Variants in PHACTR1 observed in about 807,000 individuals in gnomAD.
PHACTR1 encodes the protein phosphatase and actin regulator 1.
In PHACTR1, 16 loss-of-function variants were observed where a neutral mutation model predicts 69.2. That is an observed-to-expected ratio of 0.23 (90% confidence interval 0.16 to 0.35). The LOEUF is 0.35. Ranked by LOEUF, PHACTR1 falls within the 10% of genes least tolerant of loss-of-function variation. The pLI, the probability that PHACTR1 is intolerant of heterozygous loss-of-function variation, is 1.00. For synonymous variants in PHACTR1, 312 were observed against 284.5 expected (o/e 1.10, Z -0.97); for missense variants, 510 against 734.7 (o/e 0.69, Z 3.54).
At chr6:13,156,074 A>C (rs1054494731) in intron 5 of PHACTR1, among the ~76,000 whole-genome samples, 1 of 152,204 alleles carries the variant, frequency 6.6e-6, no homozygotes, top group Non-Finnish European at 1.5e-5. Context: ...GTCATGGAGA[A>C]AAAGGGAAGA....
intron 10 of PHACTR1, among the ~76,000 whole-genome samples, chr6:13,255,389 A>G (rs1269858040): frequency 6.6e-6 from 1 of 152,150 alleles, no homozygotes; most frequent in Non-Finnish European, 1.5e-5. Flanking sequence ...GATCCAAACC[A>G]TATCATTCTG....
chr6:12,753,839 C>G (rs1275748849), intron 4 of PHACTR1, among the ~76,000 whole-genome samples: 2 of 151,766 alleles, frequency 1.3e-5, no homozygotes, highest in Non-Finnish European at 2.9e-5. Context: ...TCTCTTCCAC[C>G]CTTATCGCTT....
chr6:12,933,917 A>G (rs1416115749), intron 4 of PHACTR1: 4 of 1,609,746 alleles, frequency 2.5e-6, no homozygotes, highest in Non-Finnish European at 2.5e-6. Context: ...TTTGGTCCAT[A>G]TGGGAAGGGA....
chr6:13,042,888 A>C (rs1233821980), intron 4 of PHACTR1, among the ~76,000 whole-genome samples: 2 of 152,200 alleles, frequency 1.3e-5, no homozygotes, highest in Non-Finnish European at 2.9e-5. Flanking sequence ...GGACTTTCCT[A>C]AGGTCACACA....
intron 11 of PHACTR1, among the ~76,000 whole-genome samples, chr6:13,276,899 T>TAATTC (rs1290887677): frequency 6.6e-6 from 1 of 152,208 alleles, no homozygotes; most frequent in African/African-American, 2.4e-5. Context: ...TACCAAAATA[T>TAATTC]AATTCAACAA....
At chr6:12,742,266 T>C (rs1765150857) in intron 3 of PHACTR1, among the ~76,000 whole-genome samples, 1 of 152,092 alleles carries the variant, frequency 6.6e-6, no homozygotes, top group Non-Finnish European at 1.5e-5. Flanking sequence ...AAGGGGTGGG[T>C]GGTTCCCAGA....
At chr6:12,723,049 G>A (rs913938294) in intron 3 of PHACTR1, among the ~76,000 whole-genome samples, 1 of 152,174 alleles carries the variant, frequency 6.6e-6, no homozygotes, top group African/African-American at 2.4e-5. Flanking sequence ...AATTGAACTT[G>A]AAGAGAAGAC....
At chr6:12,951,567 C>A (rs1043742921) in intron 4 of PHACTR1, among the ~76,000 whole-genome samples, 6 of 152,222 alleles carry the variant, frequency 3.9e-5, no homozygotes, top group African/African-American at 1.4e-4. Context: ...CTGCCCTGTG[C>A]AATGTGTTGT....
At chr6:12,912,629 T>A (rs1333958517) in intron 4 of PHACTR1, among the ~76,000 whole-genome samples, 2 of 152,218 alleles carry the variant, frequency 1.3e-5, no homozygotes, top group African/African-American at 4.8e-5. Flanking sequence ...TGTTTCATCC[T>A]CATTTATCTA....
intron 5 of PHACTR1, among the ~76,000 whole-genome samples, chr6:13,084,634 A>G (rs561041772): frequency 6.6e-6 from 1 of 152,112 alleles, no homozygotes; most frequent in Non-Finnish European, 1.5e-5. Flanking sequence ...TCTTTTATCA[A>G]TGTAAATAAG....
chr6:13,037,145 C>T (rs539646621), intron 4 of PHACTR1, among the ~76,000 whole-genome samples: 4 of 152,304 alleles, frequency 2.6e-5, no homozygotes, highest in African/African-American at 9.6e-5. Flanking sequence ...ACCTTTGCTT[C>T]AGGACTCTAT....
intron 4 of PHACTR1, among the ~76,000 whole-genome samples, chr6:12,929,230 G>A (rs937768735): frequency 6.6e-6 from 1 of 152,146 alleles, no homozygotes; most frequent in Non-Finnish European, 1.5e-5. Context: ...TCCCCACGTG[G>A]TTAGGCTGCA....
chr6:12,832,543 A>C (rs1777697001), intron 4 of PHACTR1, among the ~76,000 whole-genome samples: 2 of 152,082 alleles, frequency 1.3e-5, no homozygotes, highest in Non-Finnish European at 2.9e-5. Context: ...GTTTTTTTTC[A>C]ACCTGGCCTT....
chr6:12,887,849 G>A (rs1310968009), intron 4 of PHACTR1, among the ~76,000 whole-genome samples: 2 of 151,858 alleles, frequency 1.3e-5, no homozygotes, highest in Non-Finnish European at 2.9e-5. Context: ...CGGGTGGATT[G>A]CCTGAGCTCA....
Position 13,283,532 on chromosome 6 carries a change from G to A in PHACTR1, c.1620G>A (p.Lys540=). The A allele has an allele frequency of 6.2e-7, 1 of 1,613,854 alleles. No homozygotes were observed. The highest frequency in any genetic ancestry group is 2.2e-5 in the East Asian group (1 of 44,886). The change falls in exon 13 of 15, where the codon AAG becomes AAA. Residue 540 remains lysine, a synonymous_variant. Transcript: ENST00000332995. This position sits in a 1 kb window ranked among gnomAD's most constrained non-coding sequence, Gnocchi z 4.7. ...AGGACTATGACCGCAGGGCAGATAA[G>A]CCGTGGACCCGCCTCACCGCTGCAG... ...DAQDYDRRAD[K]PWTRLTAADK...
chr6:12,743,560 C>G (rs1765353220), intron 3 of PHACTR1, among the ~76,000 whole-genome samples: 1 of 152,078 alleles, frequency 6.6e-6, no homozygotes, highest in Non-Finnish European at 1.5e-5. Context: ...GCTGCTGGGC[C>G]TGTCAGAAAG....
chr6:13,143,155 G>C (rs1822765537), intron 5 of PHACTR1, among the ~76,000 whole-genome samples: 1 of 152,128 alleles, frequency 6.6e-6, no homozygotes. Flanking sequence ...TAGAAAGGAA[G>C]GGAAGTGGAG....
At chr6:13,191,444 G>A (rs1474599328) in intron 7 of PHACTR1, among the ~76,000 whole-genome samples, 6 of 152,178 alleles carry the variant, frequency 3.9e-5, no homozygotes, top group Non-Finnish European at 4.4e-5. Flanking sequence ...CAAGGAGAGG[G>A]GAAAGCCGAG....
chr6:12,825,748 C>T (rs1776731996), intron 4 of PHACTR1, among the ~76,000 whole-genome samples: 2 of 152,314 alleles, frequency 1.3e-5, no homozygotes, highest in South Asian at 2.1e-4. Context: ...TTTTCCTTCA[C>T]CATCAGTTCC....
Sources: gnomAD v4.1 joint callset for allele counts (sites outside exome capture counted in the v4.1 genomes callset) on GRCh38, gnomAD v4.1.1 for gene constraint, Gnocchi (gnomAD v3.1) non-coding constraint, MANE v1.5 for transcripts, NCBI Gene and HGNC (gene_info 2026-07-23, HGNC 2026-07-21) for gene names.